RAB3IL1: variants seen among roughly 807,000 people sequenced by gnomAD.
The protein encoded by RAB3IL1 is guanine nucleotide exchange factor for Rab-3A.
In RAB3IL1, 37 loss-of-function variants were observed where a neutral mutation model predicts 49.2. The observed-to-expected ratio is 0.75, with a 90% CI of 0.58 to 0.99. The LOEUF (loss-of-function observed/expected upper bound fraction) is 0.99, where lower values mean the gene tolerates loss of function less well. Among genes scored for constraint, RAB3IL1 ranks in the 50% least tolerant of loss-of-function variants. The probability of loss-of-function intolerance (pLI) is 0.00; values close to 1 mark genes in which losing one functional copy is unlikely to be tolerated. For synonymous variants in RAB3IL1, 193 were observed against 213.9 expected (o/e 0.90, Z 0.85); for missense variants, 484 against 513.0 (o/e 0.94, Z 0.55).
intron 9 of RAB3IL1, chr11:61,899,043 T>C (rs1591212616): frequency 1.8e-6 from 1 of 555,476 alleles, no homozygotes; most frequent in East Asian, 3.4e-5. Flanking sequence ...GGCCACCACC[T>C]CCAGGGCCAG....
Position 61,898,604 on chromosome 11 carries a change from C to A in RAB3IL1, c.1067-244G>T, listed in dbSNP as rs1008133170. On this transcript the variant is annotated intron_variant, in intron 9 of 9. Coordinates refer to ENST00000394836, the MANE Select transcript of RAB3IL1 (RefSeq NM_013401.4). The surrounding 1 kb of genome is among the most constrained non-coding windows in gnomAD (Gnocchi z 5.1). The stretch of plus-strand genomic sequence containing the variant: ...TTTGCACTACACTGACGGCCACCCC[C>A]ACAGCCCGACGCAGACAAGCAGGTA... Among the ~76,000 whole-genome samples the A allele has an allele frequency of 3.9e-5, 6 of 152,236 alleles. No homozygotes were observed. The highest frequency in any genetic ancestry group is 7.3e-5 in the Non-Finnish European group (5 of 68,048).
At chr11:61,931,500 G>T in the RAB3IL1 span, among the ~76,000 whole-genome samples, 2 of 152,202 alleles carry the variant, frequency 1.3e-5, no homozygotes, top group African/African-American at 4.8e-5. Context: ...TTAAGATCTC[G>T]CTCTTAATAA....
chr11:61,944,108 C>G, the RAB3IL1 span, among the ~76,000 whole-genome samples: 1 of 151,406 alleles, frequency 6.6e-6, no homozygotes, highest in South Asian at 2.1e-4. Context: ...AAATTAAAAA[C>G]TTTTGTGCAT....
the RAB3IL1 span, among the ~76,000 whole-genome samples, chr11:61,932,653 CAT>C: frequency 2.0e-5 from 3 of 150,550 alleles, no homozygotes; most frequent in East Asian, 3.9e-4. Context: ...AAATAAAAGA[CAT>C]AAATAAAAGA....
the RAB3IL1 span, among the ~76,000 whole-genome samples, chr11:61,931,373 T>C: frequency 6.6e-6 from 1 of 152,296 alleles, no homozygotes; most frequent in South Asian, 2.1e-4. Context: ...GACAGACTTT[T>C]ACCCTCCAGA....
chr11:61,940,927 A>T, the RAB3IL1 span, among the ~76,000 whole-genome samples: 4 of 151,980 alleles, frequency 2.6e-5, no homozygotes, highest in Non-Finnish European at 5.9e-5. Context: ...CTCAAAAAAA[A>T]AAATGTAAAA....
chr11:61,901,687 GGGT>G (rs1220808389), intron 8 of RAB3IL1, among the ~76,000 whole-genome samples: 2 of 152,196 alleles, frequency 1.3e-5, no homozygotes, highest in Non-Finnish European at 2.9e-5. Flanking sequence ...TAGAAGCTGA[GGGT>G]GTCCCCTTGC....
intron 1 of RAB3IL1, among the ~76,000 whole-genome samples, chr11:61,908,638 G>A (rs914457096): frequency 6.6e-6 from 1 of 152,216 alleles, no homozygotes; most frequent in African/African-American, 2.4e-5. Flanking sequence ...TCAGGGTTGA[G>A]TCCCACTTGT....
At chr11:61,930,340 T>A in the RAB3IL1 span, among the ~76,000 whole-genome samples, 2 of 152,194 alleles carry the variant, frequency 1.3e-5, no homozygotes, top group African/African-American at 4.8e-5. Flanking sequence ...ACAATGGGAA[T>A]GTAATTAATG....
chr11:61,907,905 C>A (rs535038347), intron 2 of RAB3IL1, 149 bp downstream of exon 2: 4 of 1,265,072 alleles, frequency 3.2e-6, no homozygotes, highest in Non-Finnish European at 4.3e-6. Context: ...ACCATCGGTG[C>A]GCCCAGTACA....
chr11:61,898,917 G>A lies in RAB3IL1; in HGVS notation c.1066+397C>T. ...GGTTGGTGGAGGAGCGGGGAGCCAGGCCTTGCAGAATGGGCTGTGGGGGGA... is the reference window on the plus strand; with the variant it reads ...GGTTGGTGGAGGAGCGGGGAGCCAGACCTTGCAGAATGGGCTGTGGGGGGA... On this transcript the variant is annotated intron_variant, in intron 9 of 9. Transcript: ENST00000394836. The surrounding 1 kb of genome is among the most constrained non-coding windows in gnomAD (Gnocchi z 5.1). 1 of 480,756 alleles carries A rather than the reference G, an allele frequency of 2.1e-6. No homozygotes were observed. Among genetic ancestry groups the A allele is most frequent in the Non-Finnish European group, 4.1e-6 (1 of 243,772 alleles). The allele number at this position is 480,756 out of a possible 1,614,324, so 29.8% of individuals were successfully genotyped here. A position where few individuals can be genotyped will look rare whatever the true frequency, so the allele number is the denominator to read the frequency against.
At chr11:61,933,876 T>C in the RAB3IL1 span, among the ~76,000 whole-genome samples, 1 of 151,420 alleles carries the variant, frequency 6.6e-6, no homozygotes, top group African/African-American at 2.4e-5. Flanking sequence ...ACCCAAGAGG[T>C]GCAGGCGGCA....
intron 1 of RAB3IL1, among the ~76,000 whole-genome samples, chr11:61,912,322 G>A (rs935440529): frequency 6.6e-6 from 1 of 152,220 alleles, no homozygotes; most frequent in African/African-American, 2.4e-5. Flanking sequence ...GACACTGAGG[G>A]GACGGAGGCT....
rs758777730 is a variant in RAB3IL1 at position 61,898,327 on chromosome 11, C to T, written c.1100G>A (p.Arg367Gln). The change falls in exon 10 of 10, where the codon CGG becomes CAG. Residue 367 changes from arginine to glutamine, a missense_variant. Physicochemically the swap from Arg to Gln is conservative, Grantham distance 43. Coordinates refer to ENST00000394836, the MANE Select transcript of RAB3IL1 (RefSeq NM_013401.4). The surrounding 1 kb of genome is among the most constrained non-coding windows in gnomAD (Gnocchi z 5.1). ...GAGCTTGGCCAGTGACATCTCCTTC[C>T]GCAACCTCATGATCTCCCAGAACAT... ...EPMFWEIMRL[R>Q]KEMSLAKLGF... 4 of 1,613,624 alleles carry T rather than the reference C, an allele frequency of 2.5e-6. No individual in the cohort carries two copies. The highest frequency in any genetic ancestry group is 1.3e-5 in the African/African-American group (1 of 75,056).
rs780312156 is a variant in RAB3IL1, at chr11:61,904,625, T to C, written c.820A>G (p.Asn274Asp). The C allele has an allele frequency of 6.2e-7, 1 of 1,612,830 alleles. No individual in the cohort carries two copies. Among genetic ancestry groups the C allele is most frequent in the South Asian group, 1.1e-5 (1 of 90,766 alleles). Reference protein sequence around the residue: ...SVLVRAAVEDNTLTIEPVASQ... With the variant: ...SVLVRAAVEDDTLTIEPVASQ... ...GCCACCGGCTCAATGGTGAGCGTGTTGTCCTCCACGGCGGCCCGTACCAGC... is the reference window on the plus strand; with the variant it reads ...GCCACCGGCTCAATGGTGAGCGTGTCGTCCTCCACGGCGGCCCGTACCAGC... The change falls in exon 7 of 10, where the codon AAC (asparagine) becomes GAC (aspartate). Residue 274 changes from asparagine to aspartate, a missense_variant. Asn to Asp is a conservative substitution (Grantham distance 23, BLOSUM62 1). Coordinates refer to ENST00000394836, the MANE Select transcript of RAB3IL1 (RefSeq NM_013401.4).
Position 61,898,400 on chromosome 11 carries a change from AG to A in RAB3IL1, c.1067-41del, listed in dbSNP as rs34642544. On this transcript the variant is annotated intron_variant, in intron 9 of 9. Transcript: ENST00000394836. The surrounding 1 kb of genome is among the most constrained non-coding windows in gnomAD (Gnocchi z 5.1). ...AGGGTGAACAGGTCGGGGACAGCTCAGGGTCACCTCGGGCAGATGGCCAGGT... is the reference window on the plus strand; with the variant it reads ...AGGGTGAACAGGTCGGGGACAGCTCAGGTCACCTCGGGCAGATGGCCAGGT... 6.3e-7 allele frequency: 1 copy of A among 1,580,552 alleles called. No homozygotes were observed. The highest frequency in any genetic ancestry group is 8.7e-7 in the Non-Finnish European group (1 of 1,151,838).
the RAB3IL1 span, among the ~76,000 whole-genome samples, chr11:61,926,331 T>C: frequency 3.3e-5 from 5 of 152,198 alleles, no homozygotes. Flanking sequence ...AGACAATGTT[T>C]CTGCACTCAT....
chr11:61,923,348 GC>G (rs1939945846), upstream of RAB3IL1, among the ~76,000 whole-genome samples: 1 of 152,186 alleles, frequency 6.6e-6, no homozygotes. Flanking sequence ...AAAAGCCGCT[GC>G]CTGAAGTCGC....
Position 61,908,123 on chromosome 11 carries a change from G to T in RAB3IL1, c.195C>A (p.Arg65=). The change falls in exon 2 of 10, where the codon CGC becomes CGA. Residue 65 remains arginine (R), a synonymous_variant. Transcript: ENST00000394836. Reference sequence around the variant, plus strand: ...TCTCTCGGATCTCCATGGAAGAGCTGCGCAGGCGCAACACGTCCAGCTGGG... The same window carrying T: ...TCTCTCGGATCTCCATGGAAGAGCTTCGCAGGCGCAACACGTCCAGCTGGG... ...AAAQLDVLRL[R]SSSMEIREKG... 1 of 1,606,404 alleles carries T rather than the reference G, an allele frequency of 6.2e-7. No individual in the cohort carries two copies.
Sources: gnomAD v4.1 joint callset for allele counts (sites outside exome capture counted in the v4.1 genomes callset) on GRCh38, gnomAD v4.1.1 for gene constraint, Gnocchi (gnomAD v3.1) non-coding constraint, MANE v1.5 for transcripts, NCBI Gene and HGNC (gene_info 2026-07-23, HGNC 2026-07-21) for gene names.